R3HDM2: variants seen among roughly 807,000 people sequenced by gnomAD.
R3HDM2 encodes the protein R3H domain containing 2.
In R3HDM2, 38 loss-of-function variants were observed where a neutral mutation model predicts 124.5. The observed-to-expected ratio is 0.31, with a 90% confidence interval of 0.24 to 0.40. The LOEUF (loss-of-function observed/expected upper bound fraction) is 0.40, where lower values mean the gene tolerates loss of function less well. R3HDM2 is among the 10% of genes least tolerant of loss of function. R3HDM2 has a pLI of 1.00. For synonymous variants in R3HDM2, 391 were observed against 448.0 expected (o/e 0.87, Z 1.61); for missense variants, 869 against 1,236.9 (o/e 0.70, Z 4.46).
At chr12:57,341,016 C>T (rs908508507) in intron 2 of R3HDM2, among the ~76,000 whole-genome samples, 1 of 152,096 alleles carries the variant, frequency 6.6e-6, no homozygotes, top group Non-Finnish European at 1.5e-5. Context: ...TTCTAAACTA[C>T]AATGTCAAGG....
intron 2 of R3HDM2, among the ~76,000 whole-genome samples, chr12:57,311,765 A>G (rs1345021968): frequency 3.9e-5 from 6 of 152,188 alleles, no homozygotes; most frequent in Non-Finnish European, 5.9e-5. Context: ...CCCTCCCTGG[A>G]GGAGGAATCT....
chr12:57,401,808 AC>A (rs1410866228), intron 1 of R3HDM2, among the ~76,000 whole-genome samples: 2 of 151,784 alleles, frequency 1.3e-5, no homozygotes, highest in Non-Finnish European at 2.9e-5. Flanking sequence ...ACATGGTGAA[AC>A]CCCTGCCTCT....
chr12:57,349,961 C>G (rs1033675776), intron 2 of R3HDM2, among the ~76,000 whole-genome samples: 1 of 152,116 alleles, frequency 6.6e-6, no homozygotes, highest in African/African-American at 2.4e-5. Flanking sequence ...GCCTGTAATC[C>G]CAGCACTTTG....
chr12:57,359,337 G>C (rs181080448), intron 2 of R3HDM2, among the ~76,000 whole-genome samples: 1 of 152,154 alleles, frequency 6.6e-6, no homozygotes, highest in African/African-American at 2.4e-5. Context: ...CTAGGTATAG[G>C]TATGCACCAC....
intron 3 of R3HDM2, among the ~76,000 whole-genome samples, chr12:57,308,386 A>G (rs980010484): frequency 6.6e-5 from 10 of 151,810 alleles, no homozygotes; most frequent in African/African-American, 2.4e-4. Context: ...GCAAGTGTCC[A>G]TAAAGCATAT....
intron 2 of R3HDM2, among the ~76,000 whole-genome samples, chr12:57,345,714 T>C (rs1288516586): frequency 6.6e-6 from 1 of 151,794 alleles, no homozygotes; most frequent in Non-Finnish European, 1.5e-5. Flanking sequence ...TAATCTATAT[T>C]TATTTTATTT....
At chr12:57,397,655 T>C (rs1594466179) in intron 1 of R3HDM2, among the ~76,000 whole-genome samples, 1 of 152,142 alleles carries the variant, frequency 6.6e-6, no homozygotes, top group South Asian at 2.1e-4. Flanking sequence ...CCTCCTGTGG[T>C]AAACTTTTTC....
chr12:57,260,661 C>T (rs1202659082), intron 19 of R3HDM2, among the ~76,000 whole-genome samples: 2 of 152,074 alleles, frequency 1.3e-5, no homozygotes, highest in Non-Finnish European at 2.9e-5. Context: ...TGAGTTCACA[C>T]GTGGGTGGTG....
chr12:57,316,768 T>A (rs2055127778), intron 2 of R3HDM2, among the ~76,000 whole-genome samples: 1 of 150,568 alleles, frequency 6.6e-6, no homozygotes, highest in African/African-American at 2.4e-5. Flanking sequence ...TTTTTTTTTT[T>A]ACATGGAGTC....
intron 1 of R3HDM2, among the ~76,000 whole-genome samples, chr12:57,408,233 A>AT (rs1247925624): frequency 2.0e-5 from 3 of 152,018 alleles, no homozygotes; most frequent in African/African-American, 7.2e-5. Flanking sequence ...GCCTGGCCTA[A>AT]TTTTTAAAGT....
chr12:57,361,895 G>A (rs2062006395), intron 2 of R3HDM2, among the ~76,000 whole-genome samples: 1 of 152,118 alleles, frequency 6.6e-6, no homozygotes, highest in Non-Finnish European at 1.5e-5. Context: ...CAACCAAGAA[G>A]CAACAGATGA....
chr12:57,418,343 T>G, intron 1 of R3HDM2: 2 of 985,422 alleles, frequency 2.0e-6, no homozygotes, highest in Non-Finnish European at 1.2e-6. Flanking sequence ...GGGCAAGGCC[T>G]CCAGAGCTTT....
intron 3 of R3HDM2, among the ~76,000 whole-genome samples, chr12:57,307,518 G>A (rs948542764): frequency 4.6e-5 from 7 of 151,548 alleles, no homozygotes; most frequent in East Asian, 1.9e-4. Flanking sequence ...ATGGGGTTTC[G>A]CCATGTTGGC....
Position 57,256,464 on chromosome 12 carries a change from A to G in R3HDM2, c.2497T>C (p.Ser833Pro). ...LLGQPLQYNL[S>P]ICPPLLHGQS... ...CCATGGAGCAAGGGAGGGCAGATGG[A>G]CAGATTGTACTGTAATGGCTGGCCC... Residue 833 changes from serine to proline, a missense_variant, in exon 22 of 24, where the codon TCC becomes CCC. Coordinates refer to ENST00000402412, the MANE Select transcript of R3HDM2 (RefSeq NM_001394031.1). The G allele has an allele frequency of 6.3e-7, 1 of 1,599,174 alleles. No homozygotes were observed. Among genetic ancestry groups the G allele is most frequent in the Non-Finnish European group, 8.5e-7 (1 of 1,172,610 alleles).
intron 2 of R3HDM2, among the ~76,000 whole-genome samples, chr12:57,376,720 C>A (rs1215462505): frequency 6.6e-6 from 1 of 151,986 alleles, no homozygotes; most frequent in Non-Finnish European, 1.5e-5. Flanking sequence ...GAGGCTGAGG[C>A]AGGCGGATCA....
intron 13 of R3HDM2, among the ~76,000 whole-genome samples, chr12:57,281,287 CAAA>C (rs71084737): frequency 4.9e-5 from 4 of 81,980 alleles, no homozygotes; most frequent in African/African-American, 1.1e-4. Flanking sequence ...GACTCGGTCT[CAAA>C]AAAAAAAAAA....
At chr12:57,331,147 T>C (rs940584902) in intron 2 of R3HDM2, among the ~76,000 whole-genome samples, 7 of 152,200 alleles carry the variant, frequency 4.6e-5, no homozygotes, top group African/African-American at 1.7e-4. Context: ...GCAACATCCC[T>C]CTAATTGGTC....
rs2067205531 is a variant in R3HDM2, at chr12:57,394,505, G to A, written c.-36+1244C>T. Among the ~76,000 whole-genome samples the A allele has an allele frequency of 2.0e-5, 3 of 152,140 alleles. No individual in the cohort carries two copies. The South Asian group carries it at 6.2e-4, about 32-fold the overall frequency. ...GAGAATCACTTGAACCCGGGAGGCG[G>A]AGGTTGCAGTGAGTGAACTGAGATG... On this transcript the variant is annotated intron_variant, in intron 2 of 23. Transcript: ENST00000402412.
intron 2 of R3HDM2, among the ~76,000 whole-genome samples, chr12:57,347,389 T>C (rs2060197915): frequency 6.6e-6 from 1 of 151,940 alleles, no homozygotes; most frequent in Non-Finnish European, 1.5e-5. Flanking sequence ...AAAAAACCTA[T>C]ACAAAAAGAT....
Sources: gnomAD v4.1 joint callset for allele counts (sites outside exome capture counted in the v4.1 genomes callset) on GRCh38, gnomAD v4.1.1 for gene constraint, MANE v1.5 for transcripts, NCBI Gene and HGNC (gene_info 2026-07-23, HGNC 2026-07-21) for gene names.